Variants in PCDHGA3 observed in about 807,000 individuals in gnomAD.
PCDHGA3 encodes protocadherin gamma-A3.
Under a neutral mutation model 58.5 loss-of-function variants are expected in PCDHGA3, and 40 were observed. That is an observed-to-expected ratio of 0.68 (90% CI 0.53 to 0.89). The LOEUF (loss-of-function observed/expected upper bound fraction) is 0.89. Ranked by LOEUF, PCDHGA3 falls within the 40% of genes least tolerant of loss-of-function variation. The pLI is 0.00. For synonymous variants in PCDHGA3, 530 were observed against 525.7 expected (o/e 1.01, Z -0.11); for missense variants, 1,223 against 1,195.9 (o/e 1.02, Z -0.33).
Position 141,511,381 on chromosome 5 carries a change from G to C in PCDHGA3, c.*208G>C. 8.5e-7 allele frequency: 1 copy of C among 1,170,380 alleles called. No individual in the cohort carries two copies. Among genetic ancestry groups the C allele is most frequent in the Non-Finnish European group, 1.2e-6 (1 of 854,768 alleles). 72.5% of individuals were successfully genotyped at this position (1,170,380 alleles called of 1,614,324 possible). On this transcript the variant is annotated 3_prime_UTR_variant, in exon 4 of 4. Coordinates refer to ENST00000253812, the MANE Select transcript of PCDHGA3 (RefSeq NM_018916.4). The stretch of plus-strand genomic sequence containing the variant: ...GGGTTGAATATGCAAAAGCAGTTCC[G>C]CTGGGAACCCCCATCCAATCAACTG...
intron 1 of PCDHGA3, chr5:141,398,776 G>A: frequency 6.2e-7 from 1 of 1,613,904 alleles, no homozygotes; most frequent in Non-Finnish European, 8.5e-7. Flanking sequence ...TGCCTTGGAC[G>A]GTGGACATCC....
At chr5:141,382,900 A>T (rs564801333) in intron 1 of PCDHGA3, 4 of 1,542,372 alleles carry the variant, frequency 2.6e-6, no homozygotes, top group Admixed American at 4.2e-5. Context: ...CAGGACGACT[A>T]TGGCGGCTCA....
intron 1 of PCDHGA3, among the ~76,000 whole-genome samples, chr5:141,492,824 C>T (rs1027583244): frequency 4.6e-5 from 7 of 152,236 alleles, no homozygotes. Context: ...ACCAGCGGCC[C>T]CTTCCTCCCG....
chr5:141,413,358 G>C, intron 1 of PCDHGA3: 1 of 1,613,972 alleles, frequency 6.2e-7, no homozygotes, highest in Non-Finnish European at 8.5e-7. Flanking sequence ...TGGCGCCCCG[G>C]GAGCTGGCGG....
At chr5:141,423,001 G>A in intron 1 of PCDHGA3, 2 of 1,614,230 alleles carry the variant, frequency 1.2e-6, no homozygotes, top group Non-Finnish European at 1.7e-6. Flanking sequence ...GGTGACCAAG[G>A]TGGTTGCGGT....
At chr5:141,384,179 G>A (rs1252177053) in intron 1 of PCDHGA3, 1 of 1,613,830 alleles carries the variant, frequency 6.2e-7, no homozygotes, top group Middle Eastern at 1.6e-4. Flanking sequence ...GCCACAGATG[G>A]TGGAACTCCT....
At chr5:141,393,265 G>T (rs755014362) in intron 1 of PCDHGA3, 3 of 1,613,904 alleles carry the variant, frequency 1.9e-6, no homozygotes, top group South Asian at 1.1e-5. Flanking sequence ...CCTGGAGCAC[G>T]TTATCCACTC....
At chr5:141,454,131 G>A (rs754465889) in intron 1 of PCDHGA3, among the ~76,000 whole-genome samples, 2 of 152,334 alleles carry the variant, frequency 1.3e-5, no homozygotes, top group South Asian at 2.1e-4. Flanking sequence ...AGCTGACCAT[G>A]GGAATGTTCA....
At chr5:141,425,391 A>G (rs2096872046) in intron 1 of PCDHGA3, among the ~76,000 whole-genome samples, 1 of 152,238 alleles carries the variant, frequency 6.6e-6, no homozygotes, top group South Asian at 2.1e-4. Flanking sequence ...AGGTAGTGAT[A>G]AAGTTCTGTT....
intron 3 of PCDHGA3, among the ~76,000 whole-genome samples, chr5:141,508,937 G>T (rs764041162): frequency 3.0e-4 from 45 of 152,040 alleles, no homozygotes; most frequent in Non-Finnish European, 6.3e-4. Flanking sequence ...AGTTAATTAG[G>T]GAAAACAGAG....
At chr5:141,482,234 A>G (rs11748256) in intron 1 of PCDHGA3, among the ~76,000 whole-genome samples, 44,758 of 152,044 alleles carry the variant, frequency 0.29, 7,110 homozygotes, top group African/African-American at 0.42. Context: ...GAAATTGCCA[A>G]TATAAGTATA....
intron 1 of PCDHGA3, chr5:141,419,425 C>A (rs3749766): frequency 2.5e-6 from 4 of 1,613,316 alleles, no homozygotes; most frequent in Non-Finnish European, 3.4e-6. Context: ...CCTTCGACCA[C>A]GAGCAGCTGC....
At position 141,486,134 on chromosome 5, in the gene PCDHGA3, C is replaced by T; in HGVS notation, c.2425-8673C>T. 6.2e-7 allele frequency: 1 copy of T among 1,614,168 alleles called. No homozygotes were observed. ...TGAGAATTACTATGAATTTGATGTG[C>T]GGGCTCGCGATGGGGGTTCTCCAGC... On this transcript the variant is annotated intron_variant, in intron 1 of 3. Coordinates refer to ENST00000253812, the MANE Select transcript of PCDHGA3 (RefSeq NM_018916.4). The surrounding 1 kb of genome is among the most constrained non-coding windows in gnomAD (Gnocchi z 5.0).
chr5:141,415,863 G>A, intron 1 of PCDHGA3: 4 of 1,107,154 alleles, frequency 3.6e-6, no homozygotes, highest in Non-Finnish European at 4.7e-6. Flanking sequence ...GTAGTTTATA[G>A]TGTTGTTGAG....
rs1245311569 is a variant in PCDHGA3, at chr5:141,346,109, C to G, written c.2076C>G (p.Tyr692Ter). 1.9e-6 allele frequency: 3 copies of G among 1,613,888 alleles called. No homozygotes were observed. The highest frequency in any genetic ancestry group is 2.5e-6 in the Non-Finnish European group (3 of 1,179,876). The change falls in exon 1 of 4, where the codon TAC (tyrosine) becomes TAG (stop). Residue 692 changes from tyrosine (Y) to a stop codon, truncating the protein, a stop_gained. Transcript: ENST00000253812. LOFTEE classifies it high-confidence loss of function. ...CCAACGATTCGGACCTCACTCTGTACCTGGTGGTGGCGGTGGCCGCGGTCT... is the reference window on the plus strand; with the variant it reads ...CCAACGATTCGGACCTCACTCTGTAGCTGGTGGTGGCGGTGGCCGCGGTCT... ...AKPNDSDLTL[Y>*]LVVAVAAVSC...
chr5:141,448,152 C>T (rs1463599948), intron 1 of PCDHGA3, among the ~76,000 whole-genome samples: 1 of 151,984 alleles, frequency 6.6e-6, no homozygotes, highest in African/African-American at 2.4e-5. Flanking sequence ...CAGACTCACC[C>T]CTGAAAGATC....
At chr5:141,385,224 T>G (rs751833387) in intron 1 of PCDHGA3, 2 of 1,614,206 alleles carry the variant, frequency 1.2e-6, no homozygotes, top group Non-Finnish European at 1.7e-6. Flanking sequence ...AGCCCAACTA[T>G]GTAGACATGC....
At position 141,487,610 on chromosome 5, in the gene PCDHGA3, C is replaced by A; in HGVS notation, c.2425-7197C>A. On this transcript the variant is annotated intron_variant, in intron 1 of 3. Transcript: ENST00000253812. The surrounding 1 kb of genome is among the most constrained non-coding windows in gnomAD (Gnocchi z 5.0). ...CCCACCCTCTGATCTTCTCTATGGG[C>A]TAGAGGTGAGACCTTTGCAGGCTCA... The A allele has an allele frequency of 6.2e-7, 1 of 1,614,190 alleles. No homozygotes were observed. The highest frequency in any genetic ancestry group is 1.1e-5 in the South Asian group (1 of 91,078).
chr5:141,392,671 C>A, intron 1 of PCDHGA3: 1 of 875,408 alleles, frequency 1.1e-6, no homozygotes, highest in Non-Finnish European at 1.7e-6. Context: ...AAACTAACTG[C>A]TGGACTGCAG....
Sources: allele counts gnomAD v4.1 joint callset (sites outside exome capture counted in the v4.1 genomes callset), GRCh38; gene constraint gnomAD v4.1.1; non-coding constraint Gnocchi (gnomAD v3.1); transcripts MANE v1.5; gene names NCBI Gene and HGNC (gene_info 2026-07-23, HGNC 2026-07-21).